PCNX2: variants seen among roughly 807,000 people sequenced by gnomAD.
PCNX2 encodes the protein pecanex 2.
A neutral mutation model predicts 223.8 loss-of-function variants in PCNX2; 168 were observed. That is an observed-to-expected ratio of 0.75 (90% confidence interval 0.66 to 0.85). PCNX2 has a LOEUF of 0.85. Among genes scored for constraint, PCNX2 ranks in the 40% least tolerant of loss-of-function variants. The pLI is 0.00. For missense variants in PCNX2, 2,507 were observed against 2,675.5 expected (o/e 0.94, Z 1.39); for synonymous variants, 1,006 against 1,052.6 (o/e 0.96, Z 0.86).
At chr1:233,020,965 C>T (rs1670868728) in intron 26 of PCNX2, among the ~76,000 whole-genome samples, 1 of 152,148 alleles carries the variant, frequency 6.6e-6, no homozygotes, top group African/African-American at 2.4e-5. Context: ...TGAAATCAAA[C>T]TCTTGAAACT....
intron 1 of PCNX2, chr1:233,291,162 T>C: frequency 1.1e-6 from 1 of 898,530 alleles, no homozygotes; most frequent in Non-Finnish European, 1.3e-6. Flanking sequence ...TGCTGGATTT[T>C]ACCACTGACT....
chr1:233,228,270 C>CT (rs1159694632), intron 9 of PCNX2, among the ~76,000 whole-genome samples: 1 of 152,190 alleles, frequency 6.6e-6, no homozygotes, highest in Non-Finnish European at 1.5e-5. Context: ...TTGCTTGTCA[C>CT]TTCTTGCTAC....
In PCNX2 at chr1:233,253,744, A is replaced by G. The variant is rs966063660; in HGVS notation, c.1835-956T>C. 2.6e-5 allele frequency among the ~76,000 whole-genome samples: 4 copies of G among 152,176 alleles called. No homozygotes were observed. The highest frequency in any genetic ancestry group is 7.2e-5 in the African/African-American group (3 of 41,402). On this transcript the variant is annotated intron_variant, in intron 5 of 33. Transcript: ENST00000258229. This position sits in a 1 kb window ranked among gnomAD's most constrained non-coding sequence, Gnocchi z 4.2. ...ACATTTTAAGATGAATGAGAATTCC[A>G]AGATCAATAGGTACTGATTGTTTTT...
intron 10 of PCNX2, among the ~76,000 whole-genome samples, chr1:233,224,675 T>A (rs1254862140): frequency 2.6e-5 from 4 of 152,188 alleles, no homozygotes; most frequent in Non-Finnish European, 5.9e-5. Context: ...TATTTTGGGT[T>A]TCTTCCTCCT....
chr1:233,250,126 T>A (rs1284270882), intron 8 of PCNX2, among the ~76,000 whole-genome samples: 2 of 152,196 alleles, frequency 1.3e-5, no homozygotes, highest in African/African-American at 4.8e-5. Flanking sequence ...GACATGGCCA[T>A]ATGGATTATC....
intron 21 of PCNX2, among the ~76,000 whole-genome samples, chr1:233,128,029 G>A (rs1291254426): frequency 6.6e-6 from 1 of 152,178 alleles, no homozygotes; most frequent in Non-Finnish European, 1.5e-5. Flanking sequence ...ACGCCATTTA[G>A]AAACTTCAAT....
At chr1:233,059,423 C>T (rs1223426499) in intron 23 of PCNX2, among the ~76,000 whole-genome samples, 1 of 152,162 alleles carries the variant, frequency 6.6e-6, no homozygotes, top group Non-Finnish European at 1.5e-5. Flanking sequence ...TCATTATACC[C>T]ATTCTCACGG....
intron 1 of PCNX2, chr1:233,289,369 G>A (rs1016067175): frequency 1.1e-5 from 14 of 1,224,418 alleles, no homozygotes; most frequent in Admixed American, 8.4e-5. Flanking sequence ...AGCTCCAGAA[G>A]AGCCTGGGAG....
At chr1:233,321,147 T>C in the PCNX2 span, among the ~76,000 whole-genome samples, 2 of 150,728 alleles carry the variant, frequency 1.3e-5, no homozygotes, top group South Asian at 2.1e-4. Flanking sequence ...GCCTCCCGAG[T>C]AGCTGGAACT....
chr1:233,059,711 T>A (rs933465566), intron 23 of PCNX2, among the ~76,000 whole-genome samples: 2 of 152,240 alleles, frequency 1.3e-5, no homozygotes, highest in African/African-American at 4.8e-5. Context: ...AGGCTACTTC[T>A]GAAGTTCTTG....
At chr1:233,158,769 C>G (rs1678282833) in intron 19 of PCNX2, among the ~76,000 whole-genome samples, 1 of 152,068 alleles carries the variant, frequency 6.6e-6, no homozygotes, top group South Asian at 2.1e-4. Flanking sequence ...AAATAACAAA[C>G]CCCAAAACAC....
At chr1:233,152,531 T>C (rs925431730) in intron 19 of PCNX2, among the ~76,000 whole-genome samples, 4 of 152,202 alleles carry the variant, frequency 2.6e-5, no homozygotes, top group African/African-American at 9.7e-5. Flanking sequence ...AGACAGTGCC[T>C]CTCATGCCAT....
At chr1:233,303,321 C>T in the PCNX2 span, among the ~76,000 whole-genome samples, 1 of 152,084 alleles carries the variant, frequency 6.6e-6, no homozygotes, top group African/African-American at 2.4e-5. Context: ...TGAGACTAGC[C>T]TGGGCAACAT....
chr1:233,043,312 G>C (rs565477937), intron 25 of PCNX2, among the ~76,000 whole-genome samples: 1 of 152,214 alleles, frequency 6.6e-6, no homozygotes, highest in South Asian at 2.1e-4. Flanking sequence ...TGGGATTTAC[G>C]ATCCAATAGA....
intron 1 of PCNX2, chr1:233,284,949 C>T (rs1661372425): frequency 1.0e-6 from 1 of 985,054 alleles, no homozygotes; most frequent in Non-Finnish European, 1.2e-6. Flanking sequence ...TCCCAGTCAA[C>T]CCAAAATGAA....
rs763860439 is a variant in PCNX2, at chr1:233,262,973, T to C, written c.344A>G (p.Asn115Ser). Residue 115 changes from asparagine (N) to serine (S), a missense_variant, in exon 2 of 34, where the codon AAT (asparagine) becomes AGT (serine). This residue lies in a region of PCNX2 where 1,031 missense variants were observed against 1,021.7 expected (regional missense o/e 1.01). Coordinates refer to ENST00000258229, the MANE Select transcript of PCNX2 (RefSeq NM_014801.4). ...AAAATATTACCTTGGATTTCTGTGA[T>C]TAGTTATGTGTTCACCTTTGGCCTC... ...DKEAKGEHIT[N>S]HRNPSNNRQI... 16 of 1,613,310 alleles carry C rather than the reference T, an allele frequency of 9.9e-6. No individual in the cohort carries two copies. The African/African-American group carries it at 2.1e-4, about 22-fold the overall frequency.
intron 8 of PCNX2, among the ~76,000 whole-genome samples, chr1:233,244,117 C>T (rs1658957676): frequency 6.6e-6 from 1 of 152,328 alleles, no homozygotes; most frequent in East Asian, 1.9e-4. Flanking sequence ...GCATGAGCCA[C>T]CACACCAGGC....
chr1:233,258,112 C>T lies in PCNX2; in HGVS notation c.1750G>A (p.Glu584Lys). Residue 584 changes from glutamate (E) to lysine (K), a missense_variant, in exon 5 of 34, where the codon GAA becomes AAA. Glu to Lys is a moderately conservative substitution (Grantham distance 56, BLOSUM62 1). Coordinates refer to ENST00000258229, the MANE Select transcript of PCNX2 (RefSeq NM_014801.4). Reference sequence around the variant, plus strand: ...GTCATCTTGGAAGTATTAATGGATTCTAACAGGGAGACAAATTCCAGGAAG... The same window carrying T: ...GTCATCTTGGAAGTATTAATGGATTTTAACAGGGAGACAAATTCCAGGAAG... The part of the protein sequence containing the change: ...SNFLEFVSLL[E>K]SINTSKMTAS... The T allele has an allele frequency of 4.3e-6, 7 of 1,613,950 alleles. No homozygotes were observed. In the South Asian group the frequency reaches 7.7e-5, roughly 18 times the overall value.
intron 32 of PCNX2, among the ~76,000 whole-genome samples, chr1:232,989,229 C>A (rs955263409): frequency 6.6e-6 from 1 of 152,142 alleles, no homozygotes; most frequent in South Asian, 2.1e-4. Flanking sequence ...CCGAGGCAGG[C>A]AGATCACGAG....
Sources: allele counts gnomAD v4.1 joint callset (sites outside exome capture counted in the v4.1 genomes callset), GRCh38; gene constraint gnomAD v4.1.1; regional missense constraint gnomAD v4.1.1; non-coding constraint Gnocchi (gnomAD v3.1); transcripts MANE v1.5; gene names NCBI Gene and HGNC (gene_info 2026-07-23, HGNC 2026-07-21).